The following DPP6 variants were observed in gnomAD, a reference collection of about 807,000 sequenced individuals.
The protein encoded by DPP6 is dipeptidyl peptidase like 6, also known as A-type potassium channel modulatory protein DPP6.
In DPP6, 69 loss-of-function variants were observed where a neutral mutation model predicts 122.6. The ratio of observed to expected loss-of-function variants is 0.56; its 90% CI spans 0.46 to 0.69. The LOEUF is 0.69. DPP6 is among the 30% of genes least tolerant of loss of function. The probability of loss-of-function intolerance (pLI) is 0.00; values close to 1 mark genes in which losing one functional copy is unlikely to be tolerated. For missense variants in DPP6, 928 were observed against 1,116.9 expected, an observed-to-expected ratio of 0.83 and a Z score of 2.41; for synonymous variants, 418 against 433.1, an observed-to-expected ratio of 0.97 and a Z score of 0.43.
chr7:154,553,484 C>T (rs1829783136), intron 4 of DPP6, among the ~76,000 whole-genome samples: 1 of 152,126 alleles, frequency 6.6e-6, no homozygotes, highest in African/African-American at 2.4e-5. Flanking sequence ...TACGGTGTGA[C>T]TAAAGAATCC....
chr7:154,382,291 AAT>A (rs1428681064), intron 1 of DPP6, among the ~76,000 whole-genome samples: 2 of 151,932 alleles, frequency 1.3e-5, no homozygotes, highest in Admixed American at 1.3e-4. Context: ...AGGTTCAAGC[AAT>A]TCTGCTTCAG....
upstream of DPP6, among the ~76,000 whole-genome samples, chr7:153,886,210 C>A (rs1798905101): frequency 6.6e-6 from 1 of 151,632 alleles, no homozygotes. Context: ...GGTGGGTCTG[C>A]ATATGAATTT....
the DPP6 span, among the ~76,000 whole-genome samples, chr7:153,857,094 A>C: frequency 7.9e-6 from 1 of 126,514 alleles, no homozygotes. Context: ...AAAATGCTCC[A>C]AATTAATACC....
chr7:154,196,426 G>C (rs1302442142), intron 1 of DPP6, among the ~76,000 whole-genome samples: 2 of 152,208 alleles, frequency 1.3e-5, no homozygotes, highest in Non-Finnish European at 2.9e-5. Context: ...GGAGGTGGAG[G>C]TTGCAGTGAG....
intron 1 of DPP6, among the ~76,000 whole-genome samples, chr7:154,151,937 C>G (rs1304224219): frequency 6.6e-6 from 1 of 151,424 alleles, no homozygotes; most frequent in African/African-American, 2.4e-5. Flanking sequence ...ACGAGATCAA[C>G]CCCACACATT....
At chr7:154,594,041 C>T (rs556874469) in intron 5 of DPP6, among the ~76,000 whole-genome samples, 5 of 152,240 alleles carry the variant, frequency 3.3e-5, no homozygotes, top group South Asian at 4.2e-4. Context: ...TATTCAGGCA[C>T]CTGGGGAGTG....
At chr7:154,142,466 A>G (rs941653902) in intron 1 of DPP6, among the ~76,000 whole-genome samples, 8 of 152,222 alleles carry the variant, frequency 5.3e-5, no homozygotes, top group Admixed American at 6.5e-5. Context: ...TGAAGACAAT[A>G]AACAACTTTT....
chr7:154,866,958 G>A (rs887894689), intron 17 of DPP6, among the ~76,000 whole-genome samples: 8 of 151,236 alleles, frequency 5.3e-5, no homozygotes, highest in Non-Finnish European at 1.2e-4. Context: ...CAGCTGCCCC[G>A]GAGAAGCGCC....
chr7:154,763,499 G>T (rs1389595202), intron 8 of DPP6, among the ~76,000 whole-genome samples: 1 of 152,128 alleles, frequency 6.6e-6, no homozygotes, highest in Non-Finnish European at 1.5e-5. Context: ...CCCTGAGCTA[G>T]GCACAGTTCG....
intron 8 of DPP6, among the ~76,000 whole-genome samples, chr7:154,766,982 G>A (rs761618233): frequency 4.6e-5 from 7 of 152,210 alleles, no homozygotes; most frequent in Non-Finnish European, 1.0e-4. Flanking sequence ...GCACGTGGCC[G>A]ATGATTTATC....
intron 1 of DPP6, among the ~76,000 whole-genome samples, chr7:153,964,406 A>G (rs1262253176): frequency 6.6e-6 from 1 of 152,128 alleles, no homozygotes; most frequent in African/African-American, 2.4e-5. Context: ...TTCTGAAAAT[A>G]CCACAGGTTC....
Position 154,839,361 on chromosome 7 carries a change from A to G in DPP6, c.1667-14419A>G, listed in dbSNP as rs1801333491. ...TACTTTTACTTTGTGATAAAGACAT[A>G]GACTCACACAGGGAGCAAACGGAGC... On this transcript the variant is annotated intron_variant, in intron 16 of 25. Coordinates refer to ENST00000377770, the MANE Select transcript of DPP6 (RefSeq NM_130797.4). 2.0e-5 allele frequency among the ~76,000 whole-genome samples: 3 copies of G among 152,242 alleles called. No homozygotes were observed. The East Asian group carries it at 5.8e-4, about 29-fold the overall frequency.
chr7:154,228,376 C>A (rs1034173603), intron 1 of DPP6, among the ~76,000 whole-genome samples: 1 of 152,164 alleles, frequency 6.6e-6, no homozygotes, highest in Admixed American at 6.5e-5. Context: ...ATTACTTGAT[C>A]TACAATTTAT....
chr7:154,277,819 T>C (rs1307263191), intron 1 of DPP6, among the ~76,000 whole-genome samples: 1 of 152,214 alleles, frequency 6.6e-6, no homozygotes, highest in African/African-American at 2.4e-5. Flanking sequence ...TCTCTCTTGC[T>C]CCAGCAGTTC....
intron 5 of DPP6, among the ~76,000 whole-genome samples, chr7:154,584,436 C>T (rs1832296629): frequency 6.6e-6 from 1 of 152,238 alleles, no homozygotes; most frequent in South Asian, 2.1e-4. Context: ...CCCCGCACTC[C>T]AAGGGACTTT....
chr7:154,854,859 C>T (rs1802698145), intron 17 of DPP6, among the ~76,000 whole-genome samples: 1 of 152,202 alleles, frequency 6.6e-6, no homozygotes, highest in Admixed American at 6.5e-5. Context: ...CTTTCCAGCC[C>T]TCCCTCTGTC....
At chr7:153,788,451 C>G in the DPP6 span, among the ~76,000 whole-genome samples, 1 of 152,194 alleles carries the variant, frequency 6.6e-6, no homozygotes, top group South Asian at 2.1e-4. Flanking sequence ...AAAAACTTAT[C>G]AGTTTCATTG....
intron 3 of DPP6, among the ~76,000 whole-genome samples, chr7:154,539,538 G>A (rs1356045222): frequency 2.0e-5 from 3 of 151,784 alleles, no homozygotes; most frequent in Non-Finnish European, 4.4e-5. Context: ...TGTAAATGAT[G>A]AGTTAATGGG....
chr7:154,329,652 A>G (rs1197656329), intron 1 of DPP6, among the ~76,000 whole-genome samples: 1 of 152,190 alleles, frequency 6.6e-6, no homozygotes, highest in Non-Finnish European at 1.5e-5. Context: ...AACCAGAAAT[A>G]CCATTTGACC....
Sources: allele counts gnomAD v4.1 joint callset (sites outside exome capture counted in the v4.1 genomes callset), GRCh38; gene constraint gnomAD v4.1.1; transcripts MANE v1.5; gene names NCBI Gene and HGNC (gene_info 2026-07-23, HGNC 2026-07-21).